The following TENM2 variants were observed in gnomAD, a reference collection of about 807,000 sequenced individuals.
The protein encoded by TENM2 is teneurin-2.
TENM2 carries 52 observed loss-of-function variants against 245.2 expected under a neutral mutation model. That is an observed-to-expected ratio of 0.21 (90% CI 0.17 to 0.27). TENM2 has a LOEUF of 0.27. TENM2 is among the 10% of genes least tolerant of loss of function. The pLI is 1.00. For synonymous variants in TENM2, 1,363 were observed against 1,438.9 expected (o/e 0.95, Z 1.19); for missense variants, 3,046 against 3,666.8 (o/e 0.83, Z 4.37).
chr5:167,592,974 T>A (rs902490632), intron 2 of TENM2, among the ~76,000 whole-genome samples: 3 of 152,188 alleles, frequency 2.0e-5, no homozygotes, highest in African/African-American at 7.2e-5. Context: ...CTTTTAACAT[T>A]GATGTTATTG....
At chr5:168,045,049 A>T (rs1000795303) in intron 5 of TENM2, among the ~76,000 whole-genome samples, 2 of 152,228 alleles carry the variant, frequency 1.3e-5, no homozygotes, top group Non-Finnish European at 2.9e-5. Flanking sequence ...TCAACAACAG[A>T]AAATATGCCC....
chr5:168,215,385 G>A, intron 21 of TENM2, 113 bp downstream of exon 23: 3 of 815,158 alleles, frequency 3.7e-6, no homozygotes, highest in Non-Finnish European at 4.0e-6. Context: ...AGCTTTCCCT[G>A]TAATCATTTA....
intron 1 of TENM2, among the ~76,000 whole-genome samples, chr5:167,303,792 T>C (rs1371781165): frequency 1.3e-5 from 2 of 151,994 alleles, no homozygotes; most frequent in South Asian, 2.1e-4. Context: ...ACGGGGGAAA[T>C]AGGCCAGGTT....
At chr5:167,920,584 G>C (rs1241897112) in intron 3 of TENM2, among the ~76,000 whole-genome samples, 2 of 150,740 alleles carry the variant, frequency 1.3e-5, no homozygotes, top group South Asian at 2.1e-4. Context: ...TACTATTGTA[G>C]ATGCTGAGGG....
chr5:167,838,310 G>A (rs1769191167), intron 2 of TENM2, among the ~76,000 whole-genome samples: 1 of 152,196 alleles, frequency 6.6e-6, no homozygotes, highest in African/African-American at 2.4e-5. Flanking sequence ...TTCTCTACAG[G>A]CAGCTGACTG....
chr5:167,602,410 C>T (rs557447635), intron 2 of TENM2, among the ~76,000 whole-genome samples: 2 of 152,240 alleles, frequency 1.3e-5, no homozygotes, highest in Admixed American at 6.5e-5. Flanking sequence ...GGGTTCACGC[C>T]TTCATATTGT....
chr5:167,870,569 ATGTGTG>A (rs1554135290), intron 2 of TENM2, among the ~76,000 whole-genome samples: 3 of 142,426 alleles, frequency 2.1e-5, no homozygotes, highest in African/African-American at 8.3e-5. Context: ...ATATATATAT[ATGTGTG>A]TGTATATATA....
chr5:168,199,624 A>G (rs544176357), intron 16 of TENM2, among the ~76,000 whole-genome samples: 2 of 152,322 alleles, frequency 1.3e-5, no homozygotes, highest in East Asian at 3.9e-4. Flanking sequence ...AAAAAGAAAC[A>G]CAACAGTGAC....
At chr5:167,457,248 A>T (rs193002902) in intron 2 of TENM2, among the ~76,000 whole-genome samples, 4 of 152,162 alleles carry the variant, frequency 2.6e-5, no homozygotes, top group African/African-American at 9.6e-5. Flanking sequence ...GCAAAACCTT[A>T]TAAGAGTTAG....
chr5:167,676,251 T>C (rs566484861), intron 2 of TENM2, among the ~76,000 whole-genome samples: 1 of 148,934 alleles, frequency 6.7e-6, no homozygotes, highest in East Asian at 2.3e-4. Flanking sequence ...CCTGTTTCTT[T>C]ACACAGATTT....
chr5:167,746,447 G>A (rs1300473802), intron 2 of TENM2, among the ~76,000 whole-genome samples: 4 of 149,276 alleles, frequency 2.7e-5, no homozygotes, highest in Non-Finnish European at 1.5e-5. Flanking sequence ...GTTGGGTAAA[G>A]TGAGGAAACA....
the TENM2 span, among the ~76,000 whole-genome samples, chr5:167,167,109 G>A: frequency 6.6e-6 from 1 of 152,132 alleles, no homozygotes. Context: ...TAGGGAGGTA[G>A]AATGACAATC....
At chr5:167,979,853 G>A (rs923032689) in intron 4 of TENM2, among the ~76,000 whole-genome samples, 1 of 152,162 alleles carries the variant, frequency 6.6e-6, no homozygotes, top group African/African-American at 2.4e-5. Flanking sequence ...CGAACATGAT[G>A]TTGTTTATCG....
chr5:167,317,530 C>T (rs893956982), intron 1 of TENM2, among the ~76,000 whole-genome samples: 2 of 152,218 alleles, frequency 1.3e-5, no homozygotes, highest in Non-Finnish European at 2.9e-5. Context: ...TCTATTATTC[C>T]TTTTGTGTGT....
intron 1 of TENM2, among the ~76,000 whole-genome samples, chr5:167,338,123 C>T (rs1757885029): frequency 6.6e-6 from 1 of 152,204 alleles, no homozygotes; most frequent in Non-Finnish European, 1.5e-5. Context: ...GTACTTATTA[C>T]TGTATCTGGA....
chr5:167,916,403 G>C (rs1279553317), intron 3 of TENM2, among the ~76,000 whole-genome samples: 1 of 152,100 alleles, frequency 6.6e-6, no homozygotes, highest in Non-Finnish European at 1.5e-5. Context: ...ATTTAAATCA[G>C]ATCGGTGAGA....
the TENM2 span, among the ~76,000 whole-genome samples, chr5:167,050,592 C>G: frequency 6.6e-6 from 1 of 152,026 alleles, no homozygotes; most frequent in Non-Finnish European, 1.5e-5. Context: ...TATTGTGGAC[C>G]GTGAATGAGA....
chr5:167,023,493 T>C, the TENM2 span, among the ~76,000 whole-genome samples: 1 of 152,320 alleles, frequency 6.6e-6, no homozygotes, highest in Non-Finnish European at 1.5e-5. Flanking sequence ...GTGATATTAA[T>C]ACTACAGACT....
At chr5:168,171,915 G>A (rs571505394) in intron 13 of TENM2, among the ~76,000 whole-genome samples, 1 of 152,352 alleles carries the variant, frequency 6.6e-6, no homozygotes, top group African/African-American at 2.4e-5. Flanking sequence ...GCCCTAGATG[G>A]TGGCAGGCAC....
Sources: gnomAD v4.1 joint callset for allele counts (sites outside exome capture counted in the v4.1 genomes callset) on GRCh38, gnomAD v4.1.1 for gene constraint, MANE v1.5 for transcripts, NCBI Gene and HGNC (gene_info 2026-07-23, HGNC 2026-07-21) for gene names.